COLEC10: variants seen among roughly 807,000 people sequenced by gnomAD.
COLEC10 encodes collectin subfamily member 10.
A neutral mutation model predicts 28.4 loss-of-function variants in COLEC10; 22 were observed. The ratio of observed to expected loss-of-function variants is 0.78; its 90% CI spans 0.55 to 1.11. COLEC10 has a LOEUF of 1.11. Among genes scored for constraint, COLEC10 ranks in the 50% least tolerant of loss-of-function variants. The pLI, the probability that COLEC10 is intolerant of heterozygous loss-of-function variation, is 0.00. For synonymous variants in COLEC10, 125 were observed against 116.1 expected (o/e 1.08, Z -0.49); for missense variants, 361 against 344.1 (o/e 1.05, Z -0.39).
intron 2 of COLEC10, among the ~76,000 whole-genome samples, chr8:119,042,885 C>A (rs1814523444): frequency 6.6e-6 from 1 of 152,116 alleles, no homozygotes; most frequent in South Asian, 2.1e-4. Flanking sequence ...CCTTTTATTG[C>A]AGCTTGGGTA....
upstream of COLEC10, among the ~76,000 whole-genome samples, chr8:118,990,969 G>A (rs200900043): frequency 0.022 from 3,120 of 140,152 alleles, 52 homozygotes; most frequent in Non-Finnish European, 0.031. Context: ...GGGAATTAAA[G>A]AAAAAAAAAA....
chr8:119,009,390 T>A (rs951848585), intron 1 of COLEC10: 1 of 150,562 alleles, frequency 6.6e-6, no homozygotes, highest in Admixed American at 6.6e-5. Flanking sequence ...CACCTCCCCA[T>A]GAGAGCTGGT....
chr8:118,963,967 C>G, the COLEC10 span, among the ~76,000 whole-genome samples: 1 of 152,054 alleles, frequency 6.6e-6, no homozygotes, highest in East Asian at 1.9e-4. Context: ...AACAGAAAGA[C>G]AAATGAATGC....
At chr8:119,066,991 C>T (rs1023692843), upstream of COLEC10, among the ~76,000 whole-genome samples, 12 of 152,302 alleles carry the variant, frequency 7.9e-5, no homozygotes, top group Admixed American at 5.2e-4. Flanking sequence ...CAGAAGGCAT[C>T]TCTATCTTCT....
chr8:119,103,752 G>C (rs1272759902), intron 4 of COLEC10, 48 bp from the exon 5 acceptor site: 4 of 1,105,218 alleles, frequency 3.6e-6, no homozygotes, highest in Middle Eastern at 2.0e-4. Flanking sequence ...CCTTTCCACT[G>C]GTCTGCAGGT....
chr8:118,953,815 A>G, the COLEC10 span, among the ~76,000 whole-genome samples: 1 of 152,202 alleles, frequency 6.6e-6, no homozygotes, highest in African/African-American at 2.4e-5. Context: ...TTTGAGCCCC[A>G]ACTCCAATTT....
At chr8:119,097,200 T>G (rs6469808) in intron 3 of COLEC10, among the ~76,000 whole-genome samples, 5,751 of 152,134 alleles carry the variant, frequency 0.038, 187 homozygotes, top group South Asian at 0.11. Context: ...ACAGGTATTT[T>G]ATTCTGTAAA....
At chr8:118,991,720 G>T (rs948466865), upstream of COLEC10, among the ~76,000 whole-genome samples, 1 of 152,148 alleles carries the variant, frequency 6.6e-6, no homozygotes, top group Non-Finnish European at 1.5e-5. Flanking sequence ...GCCCAATTCA[G>T]TATCCTGAGT....
chr8:119,021,521 G>A (rs1204550846), intron 2 of COLEC10, among the ~76,000 whole-genome samples: 1 of 152,152 alleles, frequency 6.6e-6, no homozygotes, highest in East Asian at 1.9e-4. Context: ...AGAGGCCAAA[G>A]GCTTTCTGGG....
the COLEC10 span, among the ~76,000 whole-genome samples, chr8:118,961,073 C>A: frequency 6.6e-6 from 1 of 152,112 alleles, no homozygotes; most frequent in Non-Finnish European, 1.5e-5. Flanking sequence ...TTGTATGGTG[C>A]TTTTAACCAA....
At chr8:118,967,427 C>T in the COLEC10 span, among the ~76,000 whole-genome samples, 1 of 152,044 alleles carries the variant, frequency 6.6e-6, no homozygotes, top group Non-Finnish European at 1.5e-5. Context: ...TACAAATGCC[C>T]TGGATTAATT....
chr8:119,023,332 T>G (rs1452366655), intron 2 of COLEC10, among the ~76,000 whole-genome samples: 2 of 152,208 alleles, frequency 1.3e-5, no homozygotes, highest in African/African-American at 4.8e-5. Flanking sequence ...CATGTATGTA[T>G]CTCATTTGTA....
At chr8:118,976,879 C>T in the COLEC10 span, among the ~76,000 whole-genome samples, 2 of 151,974 alleles carry the variant, frequency 1.3e-5, no homozygotes, top group African/African-American at 4.8e-5. Flanking sequence ...CCAAAATCTA[C>T]AATGAACTCA....
At chr8:118,969,633 C>A in the COLEC10 span, among the ~76,000 whole-genome samples, 3 of 151,780 alleles carry the variant, frequency 2.0e-5, no homozygotes, top group South Asian at 6.2e-4. Context: ...CACCCAATAC[C>A]CAGAGCTGTA....
intron 3 of COLEC10, among the ~76,000 whole-genome samples, chr8:119,092,671 T>C (rs1815631287): frequency 6.6e-6 from 1 of 152,136 alleles, no homozygotes; most frequent in Non-Finnish European, 1.5e-5. Flanking sequence ...TTTAGGGGGC[T>C]GAGATGGGTG....
At chr8:118,997,559 A>C (rs1813610841) in intron 1 of COLEC10, among the ~76,000 whole-genome samples, 1 of 152,190 alleles carries the variant, frequency 6.6e-6, no homozygotes, top group Non-Finnish European at 1.5e-5. Context: ...TTTTTCAATG[A>C]GAAACAGATT....
At chr8:119,025,118 T>C (rs1814167040) in intron 2 of COLEC10, among the ~76,000 whole-genome samples, 2 of 152,194 alleles carry the variant, frequency 1.3e-5, no homozygotes. Context: ...CTAGCTCAAA[T>C]CTACAGTCTA....
the COLEC10 span, among the ~76,000 whole-genome samples, chr8:118,959,729 T>A: frequency 3.3e-5 from 5 of 152,238 alleles, no homozygotes; most frequent in African/African-American, 1.2e-4. Context: ...ACTGAAAACC[T>A]GGCAGTCATG....
intron 1 of COLEC10, among the ~76,000 whole-genome samples, chr8:119,003,663 G>C (rs1458726309): frequency 6.6e-6 from 1 of 151,936 alleles, no homozygotes; most frequent in African/African-American, 2.4e-5. Flanking sequence ...AATTATGAAA[G>C]GATTACAAGC....
Sources: allele counts gnomAD v4.1 joint callset (sites outside exome capture counted in the v4.1 genomes callset), GRCh38; gene constraint gnomAD v4.1.1; transcripts MANE v1.5; gene names NCBI Gene and HGNC (gene_info 2026-07-23, HGNC 2026-07-21).